EYA1: variants seen among roughly 807,000 people sequenced by gnomAD.
EYA1 encodes the protein protein phosphatase EYA1.
EYA1 carries 16 observed loss-of-function variants against 82.0 expected under a neutral mutation model. The ratio of observed to expected loss-of-function variants is 0.20; its 90% CI spans 0.13 to 0.30. The LOEUF is 0.30. Among genes scored for constraint, EYA1 ranks in the 10% least tolerant of loss-of-function variants. The pLI is 1.00. For synonymous variants in EYA1, 261 were observed against 264.4 expected, an observed-to-expected ratio of 0.99 and a Z score of 0.12; for missense variants, 633 against 730.7, an observed-to-expected ratio of 0.87 and a Z score of 1.54.
chr8:71,396,840 C>T (rs1829648824), intron 2 of EYA1, among the ~76,000 whole-genome samples: 1 of 152,112 alleles, frequency 6.6e-6, no homozygotes, highest in Non-Finnish European at 1.5e-5. Context: ...TCCTGGATAT[C>T]CTTGTTGACT....
At chr8:71,299,862 T>G in intron 7 of EYA1, 142 bp from the exon 8 acceptor site, 1 of 647,874 alleles carries the variant, frequency 1.5e-6, no homozygotes, top group Admixed American at 2.7e-5. Flanking sequence ...AAATGTAGTT[T>G]TCTTAACATA....
chr8:71,229,289 T>A (rs983415463), intron 12 of EYA1, among the ~76,000 whole-genome samples: 4 of 152,100 alleles, frequency 2.6e-5, no homozygotes, highest in Non-Finnish European at 5.9e-5. Flanking sequence ...ACATACTCTC[T>A]GCAACCCACA....
At chr8:71,516,788 G>C (rs1338296029) in intron 2 of EYA1, among the ~76,000 whole-genome samples, 7 of 152,038 alleles carry the variant, frequency 4.6e-5, no homozygotes, top group Admixed American at 2.6e-4. Context: ...TTAGTCCTTA[G>C]TCTCTCCCTA....
chr8:71,299,769 T>A (rs368604266), intron 7 of EYA1, 49 bp from the exon 8 acceptor site: 1 of 986,258 alleles, frequency 1.0e-6, no homozygotes, highest in South Asian at 1.3e-5. Flanking sequence ...TGTGGAATAA[T>A]GTGGGTACAG....
intron 12 of EYA1, among the ~76,000 whole-genome samples, chr8:71,243,411 C>T (rs1360506046): frequency 6.6e-6 from 1 of 151,980 alleles, no homozygotes; most frequent in Non-Finnish European, 1.5e-5. Flanking sequence ...AATATTTCTA[C>T]CTTAAAAAAA....
intron 16 of EYA1, among the ~76,000 whole-genome samples, chr8:71,214,265 A>G (rs1383295026): frequency 1.3e-5 from 2 of 152,094 alleles, no homozygotes; most frequent in African/African-American, 4.8e-5. Flanking sequence ...AGACCCAAGT[A>G]TACCTTTTCA....
chr8:71,205,497 C>A (rs1807648683), intron 17 of EYA1, among the ~76,000 whole-genome samples: 1 of 152,178 alleles, frequency 6.6e-6, no homozygotes, highest in African/African-American at 2.4e-5. Flanking sequence ...AGACTTCCCA[C>A]AATCTTTCTA....
intron 2 of EYA1, among the ~76,000 whole-genome samples, chr8:71,442,503 G>A (rs1047030541): frequency 3.9e-5 from 6 of 152,228 alleles, no homozygotes; most frequent in Non-Finnish European, 5.9e-5. Context: ...TTCTGATTCC[G>A]CTTCATCTCA....
At position 71,267,253 on chromosome 8, in the gene EYA1, C is replaced by G. The variant is rs538310844; in HGVS notation, c.1050+2487G>C. ...TGACCACATCTCATTGACTCTCCATCTCCATCACTAAGCTTGGTCTCACTG... is the reference window on the plus strand; with the variant it reads ...TGACCACATCTCATTGACTCTCCATGTCCATCACTAAGCTTGGTCTCACTG... On this transcript the variant is annotated intron_variant, in intron 11 of 17. Coordinates refer to ENST00000340726, the MANE Select transcript of EYA1 (RefSeq NM_000503.6). Among the ~76,000 whole-genome samples the G allele has an allele frequency of 3.0e-4, 45 of 152,328 alleles. No homozygotes were observed. In the South Asian group the frequency reaches 9.1e-3, roughly 31 times the overall value.
intron 12 of EYA1, among the ~76,000 whole-genome samples, chr8:71,236,518 CT>C (rs546633354): frequency 1.6e-3 from 237 of 152,064 alleles, no homozygotes; most frequent in Non-Finnish European, 2.7e-3. Context: ...CATTTTTAAT[CT>C]GTTATTGGAT....
rs1266337321 is a variant in EYA1, at chr8:71,402,231, A to T, written c.34-45720T>A. 3.3e-5 allele frequency among the ~76,000 whole-genome samples: 5 copies of T among 152,306 alleles called. No homozygotes were observed. In the East Asian group the frequency reaches 9.6e-4, roughly 29 times the overall value. ...TTTGTGGTCTGCTTCCCCAGACCTCAGTTAGAGGCAGGTTTTTTTCCCCTC... is the reference window on the plus strand; with the variant it reads ...TTTGTGGTCTGCTTCCCCAGACCTCTGTTAGAGGCAGGTTTTTTTCCCCTC... On this transcript the variant is annotated intron_variant, in intron 2 of 18. Coordinates refer to the EYA1 transcript ENST00000643681.
rs536006757 is a variant in EYA1, at chr8:71,437,048, A to G, written c.34-80537T>C. ...TATTCTTAGTTCCAGGTGTGTGTGTATATCTACATATATATATATATATCT... is the reference window on the plus strand; with the variant it reads ...TATTCTTAGTTCCAGGTGTGTGTGTGTATCTACATATATATATATATATCT... On this transcript the variant is annotated intron_variant, in intron 2 of 18. Coordinates refer to the EYA1 transcript ENST00000643681. Among the ~76,000 whole-genome samples, 298 of 35,076 alleles carry G rather than the reference A, an allele frequency of 8.5e-3. 1 individual carries two copies. The highest frequency in any genetic ancestry group is 0.029 in the African/African-American group (284 of 9,760). The allele number at this position is 35,076 out of a possible 152,430, so 23.0% of individuals were successfully genotyped here.
At chr8:71,514,260 T>C (rs532890513) in intron 2 of EYA1, among the ~76,000 whole-genome samples, 3 of 152,154 alleles carry the variant, frequency 2.0e-5, no homozygotes, top group African/African-American at 7.2e-5. Flanking sequence ...TAAGTTGATA[T>C]AACTTGTAAA....
intron 11 of EYA1, among the ~76,000 whole-genome samples, chr8:71,246,485 C>CT (rs1244798789): frequency 2.6e-5 from 4 of 152,218 alleles, no homozygotes; most frequent in Non-Finnish European, 4.4e-5. Flanking sequence ...TCTGAACACT[C>CT]TAACTTTATC....
chr8:71,210,057 G>C (rs145949956), intron 17 of EYA1, among the ~76,000 whole-genome samples: 1 of 152,110 alleles, frequency 6.6e-6, no homozygotes, highest in Non-Finnish European at 1.5e-5. Flanking sequence ...AGCCCAATGA[G>C]CTAAGTGCTA....
At chr8:71,378,156 A>G (rs1192712508) in intron 2 of EYA1, among the ~76,000 whole-genome samples, 4 of 152,084 alleles carry the variant, frequency 2.6e-5, no homozygotes, top group Admixed American at 2.6e-4. Flanking sequence ...CTATACCCTG[A>G]TGTATTTTCT....
chr8:71,317,779 C>T (rs1439632861), intron 6 of EYA1, 90 bp from the exon 7 acceptor site: 15 of 1,208,608 alleles, frequency 1.2e-5, no homozygotes, highest in Non-Finnish European at 1.8e-5. Context: ...CGTTTAACTA[C>T]AAATGCTTCC....
At chr8:71,371,647 C>T (rs1439936170) in intron 2 of EYA1, among the ~76,000 whole-genome samples, 1 of 151,894 alleles carries the variant, frequency 6.6e-6, no homozygotes, top group African/African-American at 2.4e-5. Context: ...ATGTAGAAAC[C>T]AAATGAAAAG....
rs1305551163 is a variant in EYA1 at position 71,271,864 on chromosome 8, A to G, written c.860T>C (p.Ile287Thr). 3.1e-6 allele frequency: 5 copies of G among 1,614,070 alleles called. No homozygotes were observed. The highest frequency in any genetic ancestry group is 4.5e-5 in the East Asian group (2 of 44,900). The stretch of plus-strand genomic sequence containing the variant: ...CAATCGATCAGAATCTGAATCTTTA[A>G]TGGGTGTTGATGGGCTGTGGATTGT... ...YSTIHSPSTP[I>T]KDSDSDRLRR... Residue 287 changes from isoleucine (I) to threonine (T), a missense_variant, in exon 10 of 18, where the codon ATT becomes ACT. Transcript: ENST00000340726.
Sources: allele counts gnomAD v4.1 joint callset (sites outside exome capture counted in the v4.1 genomes callset), GRCh38; gene constraint gnomAD v4.1.1; transcripts MANE v1.5; gene names NCBI Gene and HGNC (gene_info 2026-07-23, HGNC 2026-07-21).